The following TENM4 variants were observed in gnomAD, a reference collection of about 807,000 sequenced individuals.
TENM4 encodes teneurin transmembrane protein 4.
In TENM4, 82 loss-of-function variants were observed where a neutral mutation model predicts 243.3. That is an observed-to-expected ratio of 0.34 (90% CI 0.28 to 0.40). The LOEUF (loss-of-function observed/expected upper bound fraction) is 0.40. TENM4 is among the 10% of genes least tolerant of loss of function. The pLI is 1.00. For synonymous variants in TENM4, 1,412 were observed against 1,456.3 expected (o/e 0.97, Z 0.69); for missense variants, 3,138 against 3,673.3 (o/e 0.85, Z 3.77).
intron 4 of TENM4, among the ~76,000 whole-genome samples, chr11:79,147,971 G>A (rs573069153): frequency 2.0e-5 from 3 of 152,110 alleles, no homozygotes; most frequent in Non-Finnish European, 4.4e-5. Flanking sequence ...AGGCATGGTA[G>A]TGACTATCTC....
At chr11:79,231,606 C>T (rs766532751) in intron 2 of TENM4, among the ~76,000 whole-genome samples, 16 of 152,286 alleles carry the variant, frequency 1.1e-4, no homozygotes, top group Admixed American at 3.3e-4. Context: ...AACATCTCTG[C>T]GCTTCTGATG....
chr11:79,256,203 A>G (rs1305780948), intron 2 of TENM4, among the ~76,000 whole-genome samples: 1 of 151,338 alleles, frequency 6.6e-6, no homozygotes, highest in African/African-American at 2.4e-5. Context: ...CTCAGTAACT[A>G]CTCCTGCCCT....
chr11:79,402,489 G>A (rs973727025), intron 1 of TENM4, among the ~76,000 whole-genome samples: 3 of 152,094 alleles, frequency 2.0e-5, no homozygotes, highest in African/African-American at 7.2e-5. Context: ...CTTTTCTTAT[G>A]TGTGGTTTCC....
intron 6 of TENM4, among the ~76,000 whole-genome samples, chr11:78,951,735 C>A (rs1416705697): frequency 2.6e-5 from 4 of 152,080 alleles, no homozygotes; most frequent in Admixed American, 1.3e-4. Flanking sequence ...ACCCTTATGA[C>A]CTTATTTAAT....
intron 3 of TENM4, among the ~76,000 whole-genome samples, chr11:79,214,577 C>T (rs1210242254): frequency 6.6e-6 from 1 of 152,204 alleles, no homozygotes; most frequent in African/African-American, 2.4e-5. Flanking sequence ...TTCTCTAAGC[C>T]TCAATTCCTT....
chr11:79,282,264 G>T (rs1044122328), intron 2 of TENM4, among the ~76,000 whole-genome samples: 18 of 152,278 alleles, frequency 1.2e-4, no homozygotes, highest in Middle Eastern at 3.4e-3. Context: ...TGTTTGTATA[G>T]AGTCCAATAT....
At chr11:78,859,713 G>A (rs540401849) in intron 10 of TENM4, among the ~76,000 whole-genome samples, 2 of 152,070 alleles carry the variant, frequency 1.3e-5, no homozygotes, top group South Asian at 4.1e-4. Flanking sequence ...AGTTTCCTTA[G>A]CAACTGGTTG....
intron 28 of TENM4, among the ~76,000 whole-genome samples, chr11:78,688,822 C>T (rs904331718): frequency 3.9e-5 from 6 of 152,196 alleles, no homozygotes; most frequent in Non-Finnish European, 8.8e-5. Flanking sequence ...CTAGATTTTA[C>T]ATCTGGCACT....
chr11:79,250,521 C>T (rs928461364), intron 2 of TENM4, among the ~76,000 whole-genome samples: 4 of 152,214 alleles, frequency 2.6e-5, no homozygotes, highest in African/African-American at 9.6e-5. Context: ...TCACTGAAGG[C>T]CAACCCCACT....
At chr11:79,312,580 GA>G (rs1213326059) in intron 1 of TENM4, among the ~76,000 whole-genome samples, 4 of 152,128 alleles carry the variant, frequency 2.6e-5, no homozygotes, top group Admixed American at 6.5e-5. Flanking sequence ...GCTTCTGCTT[GA>G]ATCCAGACCA....
At chr11:79,230,854 A>G (rs936102760) in intron 2 of TENM4, among the ~76,000 whole-genome samples, 4 of 152,178 alleles carry the variant, frequency 2.6e-5, no homozygotes, top group African/African-American at 9.7e-5. Context: ...AGTGTGTAAT[A>G]CACACATATA....
chr11:78,926,515 G>A (rs575917079), intron 6 of TENM4, among the ~76,000 whole-genome samples: 62 of 151,956 alleles, frequency 4.1e-4, no homozygotes, highest in African/African-American at 1.4e-3. Flanking sequence ...CTCATGATCC[G>A]CCCGCCTCGG....
intron 15 of TENM4, among the ~76,000 whole-genome samples, chr11:78,795,363 T>G (rs112735558): frequency 1.3e-5 from 2 of 152,090 alleles, no homozygotes; most frequent in Non-Finnish European, 2.9e-5. Flanking sequence ...CAGGACAGAG[T>G]GCTCACGTAA....
intron 2 of TENM4, among the ~76,000 whole-genome samples, chr11:79,272,959 T>A (rs757121924): frequency 3.3e-5 from 5 of 152,186 alleles, no homozygotes; most frequent in South Asian, 2.1e-4. Context: ...AAATAAAACA[T>A]CCTTTAGGCC....
At chr11:79,285,053 C>T (rs1856225141) in intron 2 of TENM4, among the ~76,000 whole-genome samples, 1 of 152,078 alleles carries the variant, frequency 6.6e-6, no homozygotes, top group African/African-American at 2.4e-5. Context: ...TCCTGGCCAA[C>T]ATGGTGAAAC....
intron 29 of TENM4, among the ~76,000 whole-genome samples, chr11:78,683,244 C>T (rs1858562870): frequency 1.8e-5 from 1 of 54,530 alleles, no homozygotes; most frequent in Non-Finnish European, 3.9e-5. Context: ...TGTCTGTGCC[C>T]TGCCCCCAGA....
chr11:78,866,009 A>G (rs1858965524), intron 9 of TENM4, among the ~76,000 whole-genome samples: 1 of 152,256 alleles, frequency 6.6e-6, no homozygotes, highest in African/African-American at 2.4e-5. Context: ...TAATGAAATG[A>G]CAATAGTCAC....
At chr11:78,675,840 C>T (rs1203440057) in intron 30 of TENM4, among the ~76,000 whole-genome samples, 1 of 152,110 alleles carries the variant, frequency 6.6e-6, no homozygotes. Context: ...GTAAAATTGG[C>T]CTTGTCCTTC....
intron 6 of TENM4, chr11:79,021,442 T>C (rs1354566582): frequency 6.6e-6 from 1 of 152,142 alleles, no homozygotes; most frequent in African/African-American, 2.4e-5. Context: ...GGATGTGAGA[T>C]AGGGAAGGGA....
Sources: gnomAD v4.1 joint callset for allele counts (sites outside exome capture counted in the v4.1 genomes callset) on GRCh38, gnomAD v4.1.1 for gene constraint, MANE v1.5 for transcripts, NCBI Gene and HGNC (gene_info 2026-07-23, HGNC 2026-07-21) for gene names.